The following PROCR variants were observed in gnomAD, a reference collection of about 807,000 sequenced individuals.
The protein encoded by PROCR is endothelial protein C receptor.
In PROCR, 22 loss-of-function variants were observed where a neutral mutation model predicts 24.2. The observed-to-expected ratio is 0.91, with a 90% CI of 0.65 to 1.30. The LOEUF (loss-of-function observed/expected upper bound fraction) is 1.30. PROCR is among the 50% of genes most tolerant of loss of function. The pLI is 0.00. For synonymous variants in PROCR, 137 were observed against 139.2 expected, an observed-to-expected ratio of 0.98 and a Z score of 0.11; for missense variants, 288 against 307.7, an observed-to-expected ratio of 0.94 and a Z score of 0.48.
At chr20:35,215,120 G>A (rs903442483) in intron 1 of PROCR, among the ~76,000 whole-genome samples, 1 of 152,044 alleles carries the variant, frequency 6.6e-6, no homozygotes, top group African/African-American at 2.4e-5. Context: ...ATGTTGGTCA[G>A]GCTGGTCTCA....
intron 2 of PROCR, among the ~76,000 whole-genome samples, chr20:35,175,327 A>G (rs893267040): frequency 1.6e-5 from 1 of 63,176 alleles, no homozygotes; most frequent in Non-Finnish European, 3.2e-5. Flanking sequence ...CCAGCACTTC[A>G]CCCCCCACCC....
chr20:35,215,497 C>CT (rs80325545), intron 1 of PROCR, among the ~76,000 whole-genome samples: 2,342 of 143,564 alleles, frequency 0.016, 43 homozygotes, highest in African/African-American at 0.053. Flanking sequence ...CAAGTCTTAT[C>CT]TTTTTTTTTT....
intron 1 of PROCR, among the ~76,000 whole-genome samples, chr20:35,183,157 G>T (rs1163738984): frequency 2.0e-5 from 3 of 152,180 alleles, no homozygotes; most frequent in Admixed American, 1.3e-4. Flanking sequence ...TAGGAGACAT[G>T]TTTAGGGAGA....
chr20:35,187,775 T>G (rs767329990), intron 1 of PROCR, among the ~76,000 whole-genome samples: 31 of 152,186 alleles, frequency 2.0e-4, no homozygotes, highest in Non-Finnish European at 3.8e-4. Context: ...TCAGTGCCCC[T>G]CTCTGAGAGG....
chr20:35,209,295 A>T (rs1377605716), intron 1 of PROCR, among the ~76,000 whole-genome samples: 2 of 152,196 alleles, frequency 1.3e-5, no homozygotes, highest in African/African-American at 4.8e-5. Context: ...AACTGGGCAG[A>T]TAGAGCACTG....
At chr20:35,191,962 T>G (rs1407078979) in intron 1 of PROCR, among the ~76,000 whole-genome samples, 1 of 152,104 alleles carries the variant, frequency 6.6e-6, no homozygotes, top group African/African-American at 2.4e-5. Context: ...ACTCATACAT[T>G]CCTGTTAGGA....
At chr20:35,198,876 G>A (rs749468566) in intron 1 of PROCR, among the ~76,000 whole-genome samples, 1 of 152,002 alleles carries the variant, frequency 6.6e-6, no homozygotes, top group Non-Finnish European at 1.5e-5. Flanking sequence ...CACCATGCCT[G>A]CCTAATTTTT....
chr20:35,177,137 GA>G lies in PROCR; in HGVS notation c.*326del. On this transcript the variant is annotated 3_prime_UTR_variant, in exon 4 of 4. Transcript: ENST00000216968. ...ATGGCCCATCCTCCAAAGACAGACAGAATCACCTGAGGCGTTCAAAAGATAT... is the reference window on the plus strand; with the variant it reads ...ATGGCCCATCCTCCAAAGACAGACAGATCACCTGAGGCGTTCAAAAGATAT... 1 of 1,190,364 alleles carries G rather than the reference GA, an allele frequency of 8.4e-7. No individual in the cohort carries two copies. The highest frequency in any genetic ancestry group is 1.1e-6 in the Non-Finnish European group (1 of 945,256). The allele number at this position is 1,190,364 out of a possible 1,614,324, so 73.7% of individuals were successfully genotyped here.
At position 35,176,901 on chromosome 20, in the gene PROCR, T is replaced by G; in HGVS notation, c.*88T>G. ...TCACTGTGAAGCCAGACTCCCCAAC[T>G]GAAACACCAGAAGGTTTGGAGTGAC... On this transcript the variant is annotated 3_prime_UTR_variant, in exon 4 of 4. Coordinates refer to ENST00000216968, the MANE Select transcript of PROCR (RefSeq NM_006404.5). 1 of 1,555,714 alleles carries G rather than the reference T, an allele frequency of 6.4e-7. No homozygotes were observed. Among genetic ancestry groups the G allele is most frequent in the Non-Finnish European group, 8.7e-7 (1 of 1,148,758 alleles).
intron 3 of PROCR, 74 bp from the exon 4 acceptor site, chr20:35,176,624 G>C: frequency 6.4e-7 from 1 of 1,568,506 alleles, no homozygotes; most frequent in Non-Finnish European, 8.7e-7. Context: ...GGGCAGAAAC[G>C]CTTTGGGGTT....
chr20:35,199,851 C>G (rs1169542211), intron 1 of PROCR, among the ~76,000 whole-genome samples: 1 of 151,942 alleles, frequency 6.6e-6, no homozygotes, highest in Non-Finnish European at 1.5e-5. Flanking sequence ...AATGATTCAC[C>G]ATTCTAAATG....
chr20:35,202,411 G>A (rs1048492260), intron 1 of PROCR: 2 of 149,280 alleles, frequency 1.3e-5, no homozygotes, highest in Admixed American at 6.7e-5. Flanking sequence ...CTGAGATCAC[G>A]TCATTGCATT....
Position 35,176,171 on chromosome 20 carries a change from C to T in PROCR, c.326C>T (p.Pro109Leu), listed in dbSNP as rs755862059. The change falls in exon 3 of 4, where the codon CCT (proline) becomes CTT (leucine). Residue 109 changes from proline (P) to leucine (L), a missense_variant. Pro to Leu is a moderately conservative substitution (Grantham distance 98). Transcript: ENST00000216968. ...LVHQERTLAF[P>L]LTIRCFLGCE... is the part of the protein sequence containing the mutation. ...GACCCTGACTGTCTATCCACAGTTCCTCTGACCATCCGCTGCTTCCTGGGC... is the reference window on the plus strand; with the variant it reads ...GACCCTGACTGTCTATCCACAGTTCTTCTGACCATCCGCTGCTTCCTGGGC... 1.2e-6 allele frequency: 2 copies of T among 1,613,922 alleles called. No homozygotes were observed. Among genetic ancestry groups the T allele is most frequent in the Non-Finnish European group, 1.7e-6 (2 of 1,179,912 alleles).
At chr20:35,177,861 G>T (rs951546131), downstream of PROCR, among the ~76,000 whole-genome samples, 3 of 151,944 alleles carry the variant, frequency 2.0e-5, no homozygotes, top group African/African-American at 7.3e-5. Flanking sequence ...CTCTCTTTTT[G>T]CCTTAACTTC....
At position 35,176,165 on chromosome 20, in the gene PROCR, C is replaced by T; in HGVS notation, c.323-3C>T. On this transcript the variant is annotated splice_polypyrimidine_tract_variant and splice_region_variant and intron_variant, in intron 2 of 3. Transcript: ENST00000216968. ...TCCCCTGACCCTGACTGTCTATCCACAGTTCCTCTGACCATCCGCTGCTTC... is the reference window on the plus strand; with the variant it reads ...TCCCCTGACCCTGACTGTCTATCCATAGTTCCTCTGACCATCCGCTGCTTC... The T allele has an allele frequency of 1.2e-6, 2 of 1,613,780 alleles. No individual in the cohort carries two copies. The highest frequency in any genetic ancestry group is 1.1e-5 in the South Asian group (1 of 91,070).
intron 1 of PROCR, chr20:35,174,451 A>G: frequency 1.8e-6 from 1 of 550,660 alleles, no homozygotes; most frequent in South Asian, 2.0e-5. Context: ...GTGAAAAAGG[A>G]GGCAGAAAGG....
At chr20:35,197,862 C>A (rs2060304386) in intron 1 of PROCR, among the ~76,000 whole-genome samples, 1 of 151,100 alleles carries the variant, frequency 6.6e-6, no homozygotes, top group Non-Finnish European at 1.5e-5. Flanking sequence ...ATACATCTCT[C>A]ACTTTAAATC....
At chr20:35,171,490 T>C (rs2085950142), upstream of PROCR, among the ~76,000 whole-genome samples, 1 of 152,248 alleles carries the variant, frequency 6.6e-6, no homozygotes, top group Non-Finnish European at 1.5e-5. Flanking sequence ...CTGAGATTTA[T>C]ACAGATTGCT....
chr20:35,193,648 T>C (rs1474882273), intron 1 of PROCR, among the ~76,000 whole-genome samples: 1 of 152,236 alleles, frequency 6.6e-6, no homozygotes, highest in Non-Finnish European at 1.5e-5. Flanking sequence ...GAGGCTATAA[T>C]TGACATTTAT....
Sources: allele counts gnomAD v4.1 joint callset (sites outside exome capture counted in the v4.1 genomes callset), GRCh38; gene constraint gnomAD v4.1.1; transcripts MANE v1.5; gene names NCBI Gene and HGNC (gene_info 2026-07-23, HGNC 2026-07-21).